The following NRXN1 variants were observed in gnomAD, a reference collection of about 807,000 sequenced individuals.
The protein encoded by NRXN1 is neurexin-1.
Under a neutral mutation model 150.9 loss-of-function variants are expected in NRXN1, and 39 were observed. That is an observed-to-expected ratio of 0.26 (90% CI 0.20 to 0.34). NRXN1 has a LOEUF of 0.34. Ranked by LOEUF, NRXN1 falls within the 10% of genes least tolerant of loss-of-function variation. NRXN1 has a pLI of 1.00. For missense variants in NRXN1, 1,815 were observed against 1,949.9 expected, an observed-to-expected ratio of 0.93 and a Z score of 1.30; for synonymous variants, 924 against 757.0, an observed-to-expected ratio of 1.22 and a Z score of -3.62.
chr2:49,992,686 CTG>C (rs1476989982), intron 21 of NRXN1, among the ~76,000 whole-genome samples: 7 of 152,088 alleles, frequency 4.6e-5, no homozygotes, highest in Non-Finnish European at 1.0e-4. Context: ...TGATAAAAGA[CTG>C]TGATCCAAAA....
At chr2:50,941,138 T>C (rs1035744059) in intron 2 of NRXN1, among the ~76,000 whole-genome samples, 1 of 152,158 alleles carries the variant, frequency 6.6e-6, no homozygotes, top group African/African-American at 2.4e-5. Context: ...TCATGCAAGA[T>C]ATGCCTTGCT....
In NRXN1 at chr2:49,924,793, C is replaced by A. The variant is rs1668800324; in HGVS notation, c.4217-2542G>T. On this transcript the variant is annotated intron_variant, in intron 22 of 22. Transcript: ENST00000401669. ...AGAAAATCTCTACCAAAATTAAAATCTAAACCCAATAAACATGTTATCTTT... is the reference window on the plus strand; with the variant it reads ...AGAAAATCTCTACCAAAATTAAAATATAAACCCAATAAACATGTTATCTTT... 2.6e-5 allele frequency among the ~76,000 whole-genome samples: 4 copies of A among 152,278 alleles called. No homozygotes were observed. The South Asian group carries it at 6.2e-4, about 24-fold the overall frequency.
intron 8 of NRXN1, among the ~76,000 whole-genome samples, chr2:50,605,134 T>C (rs779865758): frequency 2.0e-5 from 3 of 152,230 alleles, no homozygotes; most frequent in Non-Finnish European, 4.4e-5. Flanking sequence ...AAATATCTAA[T>C]TGAGTATGTG....
At chr2:50,515,696 T>C (rs1262722766) in intron 12 of NRXN1, among the ~76,000 whole-genome samples, 2 of 151,784 alleles carry the variant, frequency 1.3e-5, no homozygotes, top group African/African-American at 4.8e-5. Flanking sequence ...TATATCAACT[T>C]TTCCAGGTAC....
chr2:50,479,054 C>T (rs1340751150), intron 15 of NRXN1, among the ~76,000 whole-genome samples: 6 of 152,178 alleles, frequency 3.9e-5, no homozygotes, highest in Non-Finnish European at 8.8e-5. Flanking sequence ...ATCTTCAATA[C>T]CTTTCTGTAT....
At chr2:50,905,055 G>A (rs1281503538) in intron 5 of NRXN1, among the ~76,000 whole-genome samples, 2 of 152,044 alleles carry the variant, frequency 1.3e-5, no homozygotes, top group Non-Finnish European at 2.9e-5. Context: ...ATGTCCTAAT[G>A]AAATTGTAAA....
chr2:50,942,095 C>A (rs1689542999), intron 2 of NRXN1, among the ~76,000 whole-genome samples: 1 of 152,180 alleles, frequency 6.6e-6, no homozygotes, highest in Non-Finnish European at 1.5e-5. Context: ...GAAGGCACAG[C>A]ACAGGCCATG....
intron 5 of NRXN1, among the ~76,000 whole-genome samples, chr2:50,860,303 C>T (rs544061981): frequency 6.6e-6 from 1 of 152,000 alleles, no homozygotes; most frequent in South Asian, 2.1e-4. Context: ...TTCTGGGTCT[C>T]TACTTGCTTG....
intron 21 of NRXN1, among the ~76,000 whole-genome samples, chr2:49,977,740 G>A (rs1428900684): frequency 2.0e-5 from 3 of 152,196 alleles, no homozygotes; most frequent in Non-Finnish European, 4.4e-5. Context: ...TTGTTCAAAT[G>A]CTGTGATAGG....
Position 50,743,248 on chromosome 2 carries a change from A to C in NRXN1, c.833-119633T>G, listed in dbSNP as rs557705772. Among the ~76,000 whole-genome samples, 69 of 152,320 alleles carry C rather than the reference A, an allele frequency of 4.5e-4. No individual in the cohort carries two copies. The Middle Eastern group carries it at 0.02, about 45-fold the overall frequency. ...GTTGCTATCAGTTTGTACAACTAAA[A>C]TCTAAATGCCTCGGTTTCCTTCTAG... On this transcript the variant is annotated intron_variant, in intron 5 of 22. Transcript: ENST00000401669.
intron 17 of NRXN1, among the ~76,000 whole-genome samples, chr2:50,252,083 A>T (rs567925513): frequency 1.4e-4 from 21 of 150,478 alleles, no homozygotes; most frequent in African/African-American, 4.9e-4. Flanking sequence ...ATTTCTTTTT[A>T]TGTTTTTGTC....
At chr2:50,611,945 C>A (rs1389751203) in intron 8 of NRXN1, among the ~76,000 whole-genome samples, 1 of 152,160 alleles carries the variant, frequency 6.6e-6, no homozygotes, top group Non-Finnish European at 1.5e-5. Context: ...GACATCCCAG[C>A]AATCTAGGCT....
chr2:49,987,723 G>A (rs1245956326), intron 21 of NRXN1, among the ~76,000 whole-genome samples: 2 of 150,800 alleles, frequency 1.3e-5, no homozygotes, highest in Non-Finnish European at 2.9e-5. Flanking sequence ...AGAAGGATGA[G>A]CTAATCATAC....
intron 10 of NRXN1, among the ~76,000 whole-genome samples, chr2:50,536,517 G>GA (rs1246249121): frequency 6.6e-6 from 1 of 152,138 alleles, no homozygotes; most frequent in Non-Finnish European, 1.5e-5. Context: ...GGTAGTAGCG[G>GA]AATATTGCCA....
In NRXN1 at chr2:50,602,008, T is replaced by C. The variant is rs117456499; in HGVS notation, c.1320+18014A>G. Among the ~76,000 whole-genome samples, 14 of 152,330 alleles carry C rather than the reference T, an allele frequency of 9.2e-5. No individual in the cohort carries two copies. The East Asian group carries it at 1.7e-3, about 19-fold the overall frequency. ...GACCAAGAATCATAAGACCCAGTTA[T>C]GAGTTGTTAAAAGTGAGGGTGAAAC... On this transcript the variant is annotated intron_variant, in intron 8 of 22. Coordinates refer to ENST00000401669, the MANE Select transcript of NRXN1 (RefSeq NM_001330078.2).
At chr2:50,637,725 C>T (rs1249901812) in intron 5 of NRXN1, among the ~76,000 whole-genome samples, 1 of 152,134 alleles carries the variant, frequency 6.6e-6, no homozygotes, top group African/African-American at 2.4e-5. Context: ...GTGTTAGAAG[C>T]CAATTCCCAG....
chr2:50,484,771 A>G (rs1488515515), intron 15 of NRXN1, among the ~76,000 whole-genome samples: 1 of 152,246 alleles, frequency 6.6e-6, no homozygotes, highest in Non-Finnish European at 1.5e-5. Flanking sequence ...AAGAGCATAT[A>G]GAAAGTAAAG....
At chr2:50,470,741 C>A (rs1286925557) in intron 16 of NRXN1, among the ~76,000 whole-genome samples, 1 of 151,644 alleles carries the variant, frequency 6.6e-6, no homozygotes, top group African/African-American at 2.4e-5. Flanking sequence ...ACATGCAGAG[C>A]CACAAAATTC....
At chr2:50,215,813 C>G (rs578146014) in intron 18 of NRXN1, among the ~76,000 whole-genome samples, 2 of 152,160 alleles carry the variant, frequency 1.3e-5, no homozygotes, top group Non-Finnish European at 2.9e-5. Context: ...TTTATCCATT[C>G]TTCAGCTCAA....
Sources: gnomAD v4.1 joint callset for allele counts (sites outside exome capture counted in the v4.1 genomes callset) on GRCh38, gnomAD v4.1.1 for gene constraint, MANE v1.5 for transcripts, NCBI Gene and HGNC (gene_info 2026-07-23, HGNC 2026-07-21) for gene names.